The following TNKS variants were observed in gnomAD, a reference collection of about 807,000 sequenced individuals.
TNKS encodes tankyrase, also known as poly [ADP-ribose] polymerase tankyrase-1.
A neutral mutation model predicts 135.8 loss-of-function variants in TNKS; 72 were observed. That is an observed-to-expected ratio of 0.53 (90% confidence interval 0.44 to 0.64). The LOEUF (loss-of-function observed/expected upper bound fraction) is 0.64. Among genes scored for constraint, TNKS ranks in the 30% least tolerant of loss-of-function variants. TNKS has a pLI of 0.00. For missense variants in TNKS, 1,769 were observed against 1,674.0 expected (o/e 1.06, Z -0.99); for synonymous variants, 849 against 649.3 (o/e 1.31, Z -4.68).
chr8:9,710,067 A>T (rs764065172), intron 10 of TNKS, 21 bp downstream of exon 10: 1 of 1,610,730 alleles, frequency 6.2e-7, no homozygotes, highest in South Asian at 1.1e-5. Flanking sequence ...TTGCAGAAGG[A>T]GTTGTTCAGT....
intron 20 of TNKS, among the ~76,000 whole-genome samples, chr8:9,756,269 T>C (rs938667331): frequency 1.3e-5 from 2 of 152,116 alleles, no homozygotes; most frequent in African/African-American, 4.8e-5. Flanking sequence ...ACTCCTGCTG[T>C]ACCATACAAC....
In TNKS at chr8:9,556,549, G is replaced by A; in HGVS notation, c.610G>A (p.Ala204Thr). The change falls in exon 1 of 27, where the codon GCG (alanine) becomes ACG (threonine). Residue 204 changes from alanine to threonine, a missense_variant. This residue lies in a region of TNKS where 450 missense variants were observed against 304.9 expected (regional missense o/e 1.48). Coordinates refer to ENST00000310430, the MANE Select transcript of TNKS (RefSeq NM_003747.3). ...DVSRVKRLVD[A>T]ANVNAKDMAG... ...GTCCCGGGTAAAGAGGCTGGTGGAC[G>A]CGGCAAACGTAAATGCAAAGGACAT... The A allele has an allele frequency of 3.1e-6, 5 of 1,614,168 alleles. No homozygotes were observed. The highest frequency in any genetic ancestry group is 4.2e-6 in the Non-Finnish European group (5 of 1,180,044).
intron 3 of TNKS, among the ~76,000 whole-genome samples, chr8:9,636,906 A>T (rs1210053203): frequency 2.0e-5 from 3 of 152,192 alleles, no homozygotes; most frequent in Admixed American, 6.5e-5. Flanking sequence ...GGAAAACATC[A>T]GGCCTACTTA....
chr8:9,767,115 A>G (rs991434659), intron 25 of TNKS, among the ~76,000 whole-genome samples: 3 of 152,212 alleles, frequency 2.0e-5, no homozygotes, highest in Non-Finnish European at 4.4e-5. Context: ...TATAAAAAAC[A>G]TAGACTCTTT....
At chr8:9,570,007 A>C (rs1485199804) in intron 1 of TNKS, among the ~76,000 whole-genome samples, 1 of 152,040 alleles carries the variant, frequency 6.6e-6, no homozygotes, top group Non-Finnish European at 1.5e-5. Flanking sequence ...GCAACTGTCC[A>C]CTTAATTTTG....
intron 2 of TNKS, among the ~76,000 whole-genome samples, chr8:9,590,710 T>G (rs1009557130): frequency 2.0e-5 from 3 of 152,224 alleles, no homozygotes; most frequent in African/African-American, 7.2e-5. Flanking sequence ...GCCATTTGTA[T>G]GTATTCTTTG....
chr8:9,580,599 A>T (rs191623876), intron 2 of TNKS, among the ~76,000 whole-genome samples: 6 of 152,196 alleles, frequency 3.9e-5, no homozygotes, highest in African/African-American at 1.4e-4. Flanking sequence ...TCAAATGCCT[A>T]TTGATGTGGA....
chr8:9,693,995 A>G (rs576668254), intron 5 of TNKS, among the ~76,000 whole-genome samples: 13 of 152,320 alleles, frequency 8.5e-5, no homozygotes, highest in Middle Eastern at 3.4e-3. Context: ...AGAAAGTCCC[A>G]AAGGAGTTGG....
intron 17 of TNKS, 36 bp downstream of exon 17, chr8:9,735,522 C>G (rs150355241): frequency 6.4e-7 from 1 of 1,557,134 alleles, no homozygotes; most frequent in South Asian, 1.1e-5. Context: ...GAAAACTGAC[C>G]GCACGCGGTG....
chr8:9,731,090 T>G (rs1414956502), intron 14 of TNKS, 55 bp downstream of exon 14: 1 of 1,462,204 alleles, frequency 6.8e-7, no homozygotes, highest in African/African-American at 1.4e-5. Context: ...TTAAAAAATT[T>G]AAAATATTTT....
intron 2 of TNKS, among the ~76,000 whole-genome samples, chr8:9,604,753 T>C (rs1585220750): frequency 1.3e-5 from 2 of 151,870 alleles, no homozygotes; most frequent in South Asian, 4.1e-4. Context: ...CATACATATG[T>C]ATGTGTGTAT....
At chr8:9,680,865 T>C in intron 5 of TNKS, 65 bp downstream of exon 5, 1 of 1,225,192 alleles carries the variant, frequency 8.2e-7, no homozygotes, top group East Asian at 2.3e-5. Flanking sequence ...ATGTGGCATA[T>C]ATATATATAA....
At chr8:9,572,465 A>T (rs1797791453) in intron 1 of TNKS, among the ~76,000 whole-genome samples, 1 of 152,102 alleles carries the variant, frequency 6.6e-6, no homozygotes. Context: ...TTTCTACAAT[A>T]TTTCCTCTCT....
In TNKS at chr8:9,742,727, T is replaced by C. The variant is rs183868528; in HGVS notation, c.2644-5297T>C. On this transcript the variant is annotated intron_variant, in intron 17 of 26. Transcript: ENST00000310430. ...TTTATAAATAAATATTTAATAAATATTTATTTAAAATATAATGAATTAAAT... is the reference window on the plus strand; with the variant it reads ...TTTATAAATAAATATTTAATAAATACTTATTTAAAATATAATGAATTAAAT... Among the ~76,000 whole-genome samples the C allele has an allele frequency of 2.0e-5, 3 of 148,534 alleles. No individual in the cohort carries two copies. In the Admixed American group the frequency reaches 2.0e-4, roughly 10 times the overall value.
chr8:9,628,714 C>T (rs971530404), intron 3 of TNKS, among the ~76,000 whole-genome samples: 19 of 152,164 alleles, frequency 1.2e-4, no homozygotes, highest in Non-Finnish European at 2.6e-4. Context: ...GACCTCCTAC[C>T]TTCCAGTTTA....
chr8:9,585,776 A>G (rs1430029501), intron 2 of TNKS, among the ~76,000 whole-genome samples: 1 of 152,208 alleles, frequency 6.6e-6, no homozygotes, highest in Admixed American at 6.5e-5. Flanking sequence ...AATTTGTCTT[A>G]TATGCAGAGA....
intron 12 of TNKS, among the ~76,000 whole-genome samples, chr8:9,723,935 T>G (rs1011073041): frequency 5.9e-5 from 9 of 152,208 alleles, no homozygotes; most frequent in African/African-American, 2.2e-4. Flanking sequence ...AAATTAAACA[T>G]TGAAACCCCA....
intron 3 of TNKS, among the ~76,000 whole-genome samples, chr8:9,654,199 C>G (rs1393): frequency 0.15 from 22,834 of 152,148 alleles, 1,913 homozygotes; most frequent in Admixed American, 0.24. Context: ...CACAAGATCT[C>G]AATAGAGGAG....
chr8:9,769,510 C>G (rs768057740), intron 25 of TNKS, among the ~76,000 whole-genome samples: 40 of 151,756 alleles, frequency 2.6e-4, no homozygotes, highest in Non-Finnish European at 3.8e-4. Flanking sequence ...TTTCCATCAG[C>G]TTATTTTCTT....
Sources: allele counts gnomAD v4.1 joint callset (sites outside exome capture counted in the v4.1 genomes callset), GRCh38; gene constraint gnomAD v4.1.1; regional missense constraint gnomAD v4.1.1; transcripts MANE v1.5; gene names NCBI Gene and HGNC (gene_info 2026-07-23, HGNC 2026-07-21).